Variants in KLHL29 observed in about 807,000 individuals in gnomAD.
The protein encoded by KLHL29 is kelch-like protein 29.
In KLHL29, 21 loss-of-function variants were observed where a neutral mutation model predicts 80.4. The observed-to-expected ratio is 0.26, with a 90% confidence interval of 0.19 to 0.38. The LOEUF (loss-of-function observed/expected upper bound fraction) is 0.38, where lower values mean the gene tolerates loss of function less well. Ranked by LOEUF, KLHL29 falls within the 10% of genes least tolerant of loss-of-function variation. The pLI, the probability that KLHL29 is intolerant of heterozygous loss-of-function variation, is 1.00. For synonymous variants in KLHL29, 511 were observed against 526.8 expected, an observed-to-expected ratio of 0.97 and a Z score of 0.41; for missense variants, 867 against 1,223.9, an observed-to-expected ratio of 0.71 and a Z score of 4.35.
intron 2 of KLHL29, among the ~76,000 whole-genome samples, chr2:23,528,423 T>A (rs1558374487): frequency 6.6e-6 from 1 of 152,174 alleles, no homozygotes; most frequent in Non-Finnish European, 1.5e-5. Flanking sequence ...TCCTGCACTC[T>A]CCGTGTGGTT....
Position 23,642,627 on chromosome 2 carries a change from C to T in KLHL29, c.717C>T (p.Pro239=), listed in dbSNP as rs535928722. 131 of 1,549,714 alleles carry T rather than the reference C, an allele frequency of 8.5e-5. No individual in the cohort carries two copies. In the Admixed American group the frequency reaches 1.2e-3, roughly 14 times the overall value. ...SPQPLAVSTL[P]GVGQVARPGP... ...AGCCCCTGGCCGTGTCCACACTGCC[C>T]GGTGTGGGGCAGGTGGCCCGCCCAG... The change falls in exon 5 of 14, where the codon CCC becomes CCT. Residue 239 remains proline (P), a synonymous_variant. Coordinates refer to ENST00000486442, the MANE Select transcript of KLHL29 (RefSeq NM_052920.2).
At chr2:23,616,491 G>C (rs773859029) in intron 3 of KLHL29, 3 of 152,220 alleles carry the variant, frequency 2.0e-5, no homozygotes, top group Non-Finnish European at 2.9e-5. Context: ...AAAGAAAACA[G>C]AGGTGACTTC....
intron 3 of KLHL29, among the ~76,000 whole-genome samples, chr2:23,591,691 C>T (rs1277008834): frequency 6.6e-6 from 1 of 152,158 alleles, no homozygotes; most frequent in Non-Finnish European, 1.5e-5. Flanking sequence ...GTAAAACCTC[C>T]CATGGGTCTC....
intron 2 of KLHL29, among the ~76,000 whole-genome samples, chr2:23,516,020 A>G (rs894927660): frequency 2.0e-5 from 3 of 152,216 alleles, no homozygotes; most frequent in African/African-American, 7.2e-5. Flanking sequence ...CTATTGGTCA[A>G]TTTGTACAAG....
intron 1 of KLHL29, among the ~76,000 whole-genome samples, chr2:23,408,338 G>A (rs1166856637): frequency 3.9e-5 from 5 of 127,918 alleles, no homozygotes; most frequent in Admixed American, 1.8e-4. Flanking sequence ...ATATGAATTC[G>A]ATGAGATCCG....
intron 2 of KLHL29, among the ~76,000 whole-genome samples, chr2:23,495,485 T>G (rs1433426928): frequency 1.3e-5 from 2 of 152,226 alleles, no homozygotes; most frequent in African/African-American, 4.8e-5. Context: ...GTCATCTCAC[T>G]TAAACCAGTA....
At chr2:23,432,594 C>T (rs1663213376) in intron 1 of KLHL29, among the ~76,000 whole-genome samples, 1 of 152,198 alleles carries the variant, frequency 6.6e-6, no homozygotes, top group African/African-American at 2.4e-5. Flanking sequence ...GTGATAAGTG[C>T]TGTAAAAAAT....
At position 23,562,193 on chromosome 2, in the gene KLHL29, C is replaced by T. The variant is rs1292654644; in HGVS notation, c.-4C>T. 2.6e-6 allele frequency: 4 copies of T among 1,550,312 alleles called. No individual in the cohort carries two copies. The highest frequency in any genetic ancestry group is 2.0e-5 in the Admixed American group (1 of 50,990). On this transcript the variant is annotated 5_prime_UTR_variant, in exon 3 of 14. Coordinates refer to ENST00000486442, the MANE Select transcript of KLHL29 (RefSeq NM_052920.2). The surrounding 1 kb of genome is among the most constrained non-coding windows in gnomAD (Gnocchi z 4.5). ...CCTGTGAGAAGCCGCCTCGGCCCAC[C>T]GAGATGTCCCGGCACCATAGCCGCT...
At chr2:23,594,400 A>T (rs543621342) in intron 3 of KLHL29, among the ~76,000 whole-genome samples, 3 of 152,162 alleles carry the variant, frequency 2.0e-5, no homozygotes, top group African/African-American at 7.2e-5. Flanking sequence ...GACCAGGGAC[A>T]TTTCGTTCCT....
intron 1 of KLHL29, among the ~76,000 whole-genome samples, chr2:23,411,632 G>A (rs1294817703): frequency 1.3e-5 from 2 of 152,096 alleles, no homozygotes; most frequent in Non-Finnish European, 2.9e-5. Flanking sequence ...CGGGAGATGA[G>A]ACAAAAATAT....
At chr2:23,464,115 G>T (rs1472036840) in intron 1 of KLHL29, among the ~76,000 whole-genome samples, 1 of 152,184 alleles carries the variant, frequency 6.6e-6, no homozygotes, top group Admixed American at 6.5e-5. Context: ...CATGCAAAAT[G>T]ATTATAATAT....
chr2:23,691,268 G>T (rs3795939), intron 6 of KLHL29: 2 of 259,124 alleles, frequency 7.7e-6, no homozygotes, highest in East Asian at 2.2e-4. Context: ...CCTGGGTCAC[G>T]TTGGAGAATC....
At chr2:23,652,831 C>CT (rs1670122235) in intron 5 of KLHL29, among the ~76,000 whole-genome samples, 1 of 152,216 alleles carries the variant, frequency 6.6e-6, no homozygotes, top group Non-Finnish European at 1.5e-5. Context: ...CGGCTGATTT[C>CT]TTTGGTGTCC....
chr2:23,432,289 A>G (rs1373030832), intron 1 of KLHL29, among the ~76,000 whole-genome samples: 1 of 152,252 alleles, frequency 6.6e-6, no homozygotes, highest in Admixed American at 6.5e-5. Flanking sequence ...GCATTGATTG[A>G]CATAATCTGC....
chr2:23,405,202 C>A (rs1666694666), intron 1 of KLHL29, among the ~76,000 whole-genome samples: 1 of 150,432 alleles, frequency 6.6e-6, no homozygotes, highest in Admixed American at 6.6e-5. Context: ...TCAATCCATA[C>A]CAATATTGTT....
chr2:23,630,038 C>T (rs908350810), intron 3 of KLHL29, among the ~76,000 whole-genome samples: 21 of 152,246 alleles, frequency 1.4e-4, no homozygotes, highest in South Asian at 6.2e-4. Context: ...AAGGAGGAAG[C>T]CATTGTTAGG....
intron 1 of KLHL29, among the ~76,000 whole-genome samples, chr2:23,424,427 T>C (rs919553879): frequency 6.6e-6 from 1 of 152,214 alleles, no homozygotes; most frequent in African/African-American, 2.4e-5. Context: ...TTGTTTCTAT[T>C]ATTTGTCATC....
chr2:23,458,344 T>C (rs1664118569), intron 1 of KLHL29, among the ~76,000 whole-genome samples: 2 of 152,356 alleles, frequency 1.3e-5, no homozygotes, highest in East Asian at 1.9e-4. Context: ...CCATTTTGTC[T>C]GTTGCAACTA....
intron 3 of KLHL29, among the ~76,000 whole-genome samples, chr2:23,563,471 G>A (rs192309785): frequency 7.9e-4 from 121 of 152,366 alleles, no homozygotes; most frequent in African/African-American, 2.0e-3. Flanking sequence ...GTGTACATGC[G>A]TGTATGTGCC....
Sources: gnomAD v4.1 joint callset for allele counts (sites outside exome capture counted in the v4.1 genomes callset) on GRCh38, gnomAD v4.1.1 for gene constraint, Gnocchi (gnomAD v3.1) non-coding constraint, MANE v1.5 for transcripts, NCBI Gene and HGNC (gene_info 2026-07-23, HGNC 2026-07-21) for gene names.